The following GINM1 variants were observed in gnomAD, a reference collection of about 807,000 sequenced individuals.
The protein encoded by GINM1 is glycosylated integral membrane protein 1, also known as glycoprotein integral membrane protein 1.
Under a neutral mutation model 37.8 loss-of-function variants are expected in GINM1, and 29 were observed. That is an observed-to-expected ratio of 0.77 (90% CI 0.57 to 1.05). The LOEUF (loss-of-function observed/expected upper bound fraction) is 1.05, where lower values mean the gene tolerates loss of function less well. Among genes scored for constraint, GINM1 ranks in the 50% least tolerant of loss-of-function variants. GINM1 has a pLI of 0.00. For synonymous variants in GINM1, 143 were observed against 146.2 expected (o/e 0.98, Z 0.16); for missense variants, 377 against 397.9 (o/e 0.95, Z 0.45).
chr6:149,578,944 G>C lies in GINM1; in HGVS notation c.400G>C (p.Glu134Gln). 2 of 1,603,714 alleles carry C rather than the reference G, an allele frequency of 1.2e-6. No homozygotes were observed. Among genetic ancestry groups the C allele is most frequent in the South Asian group, 1.1e-5 (1 of 90,266 alleles). ...CAGTTTGCAACTAATTGTCATTCAA[G>C]AAGAGGTAGTAGAGATTGATGGAAA... is the stretch of plus-strand genomic sequence containing the variant. ...GSSLQLIVIQ[E>Q]EVVEIDGKQV... The change falls in exon 4 of 8, where the codon GAA (glutamate) becomes CAA (glutamine). Residue 134 changes from glutamate (E) to glutamine (Q), a missense_variant. Physicochemically the swap from Glu to Gln is conservative, Grantham distance 29. Transcript: ENST00000367419.
At chr6:149,569,529 G>A (rs1777776974) in intron 1 of GINM1, among the ~76,000 whole-genome samples, 1 of 150,814 alleles carries the variant, frequency 6.6e-6, no homozygotes, top group African/African-American at 2.4e-5. Context: ...AGTAGAGACG[G>A]GGTTTCACCA....
chr6:149,580,483 C>T, intron 5 of GINM1, 110 bp from the exon 6 acceptor site: 1 of 943,108 alleles, frequency 1.1e-6, no homozygotes, highest in Non-Finnish European at 1.6e-6. Flanking sequence ...TTTTTTCTCC[C>T]ATGGTAAAAT....
In GINM1 at chr6:149,572,538, A is replaced by G; in HGVS notation, c.212A>G (p.Gln71Arg). The change falls in exon 3 of 8, where the codon CAG becomes CGG. Residue 71 changes from glutamine (Q) to arginine (R), a missense_variant. Coordinates refer to ENST00000367419, the MANE Select transcript of GINM1 (RefSeq NM_138785.5). ...CTTAACATAACCTATGAGAGTGGAC[A>G]GGTGTATGTAAATGACTTACCTGTA... ...VVLNITYESG[Q>R]VYVNDLPVNS... The G allele has an allele frequency of 3.7e-6, 6 of 1,604,074 alleles. No homozygotes were observed. Among genetic ancestry groups the G allele is most frequent in the Non-Finnish European group, 4.3e-6 (5 of 1,172,724 alleles).
At chr6:149,581,873 C>T (rs922091706) in intron 6 of GINM1, among the ~76,000 whole-genome samples, 2 of 152,198 alleles carry the variant, frequency 1.3e-5, no homozygotes, top group Non-Finnish European at 2.9e-5. Flanking sequence ...TTTACCCTGT[C>T]TACCTCACCT....
At chr6:149,582,343 A>G in intron 6 of GINM1, 97 bp from the exon 7 acceptor site, 1 of 1,043,382 alleles carries the variant, frequency 9.6e-7, no homozygotes, top group Non-Finnish European at 1.4e-6. Context: ...AAAATATAGA[A>G]TATTTTTATC....
In GINM1 at chr6:149,578,525, CAA is replaced by C. The variant is rs145601764; in HGVS notation, c.278-276_278-275del. Among the ~76,000 whole-genome samples the C allele has an allele frequency of 6.9e-3, 490 of 71,440 alleles. 2 individuals are homozygous for C. The highest frequency in any genetic ancestry group is 0.022 in the African/African-American group (428 of 19,604). The allele number at this position is 71,440 out of a possible 152,430, so 46.9% of individuals were successfully genotyped here. ...TGGGCGACAGAGCAAGACTCCATCT[CAA>C]AAAAAAAAAAAAAAAAAAAAGAATA... On this transcript the variant is annotated intron_variant, in intron 3 of 7. Coordinates refer to ENST00000367419, the MANE Select transcript of GINM1 (RefSeq NM_138785.5).
chr6:149,572,914 C>T (rs1159543725), intron 3 of GINM1, among the ~76,000 whole-genome samples: 3 of 152,178 alleles, frequency 2.0e-5, no homozygotes, highest in Non-Finnish European at 2.9e-5. Context: ...CATCTACCCT[C>T]CTCTGCCTCT....
At position 149,572,154 on chromosome 6, in the gene GINM1, A is replaced by G. The variant is rs1582732094; in HGVS notation, c.121-131A>G. 4 of 444,640 alleles carry G rather than the reference A, an allele frequency of 9.0e-6. No homozygotes were observed. In the East Asian group the frequency reaches 1.3e-4, roughly 15 times the overall value. The allele number at this position is 444,640 out of a possible 1,614,324, so 27.5% of individuals were successfully genotyped here. A position where few individuals can be genotyped will look rare whatever the true frequency, so the allele number is the denominator to read the frequency against. On this transcript the variant is annotated intron_variant, in intron 1 of 7. Transcript: ENST00000367419. Reference sequence around the variant, plus strand: ...AAATGGCTATAAAATGGAAAAGATGATCTTTTAAACTCTCTTAATGCTGTT... The same window carrying G: ...AAATGGCTATAAAATGGAAAAGATGGTCTTTTAAACTCTCTTAATGCTGTT...
Position 149,566,544 on chromosome 6 carries a change from G to T in GINM1, c.120+10G>T. 1.3e-6 allele frequency: 2 copies of T among 1,500,104 alleles called. No homozygotes were observed. The highest frequency in any genetic ancestry group is 2.5e-5 in the South Asian group (2 of 80,506). The allele number at this position is 1,500,104 out of a possible 1,614,324, so 92.9% of individuals were successfully genotyped here. On this transcript the variant is annotated intron_variant, in intron 1 of 7. Coordinates refer to ENST00000367419, the MANE Select transcript of GINM1 (RefSeq NM_138785.5). The surrounding 1 kb of genome is among the most constrained non-coding windows in gnomAD (Gnocchi z 4.4). ...GTCCGGAGCCCCACAGGTAGGGCAG[G>T]GCGGGCCTGGCTGGCCGCTTTACGA...
chr6:149,581,953 G>C, intron 6 of GINM1: 1 of 458,218 alleles, frequency 2.2e-6, no homozygotes, highest in South Asian at 1.6e-5. Flanking sequence ...CTTAAGTTCT[G>C]CTCTCGCTCT....
At position 149,580,699 on chromosome 6, in the gene GINM1, A is replaced by G. The variant is rs769857432; in HGVS notation, c.693A>G (p.Arg231=). The G allele has an allele frequency of 6.2e-7, 1 of 1,613,896 alleles. No homozygotes were observed. Among genetic ancestry groups the G allele is most frequent in the Non-Finnish European group, 8.5e-7 (1 of 1,179,836 alleles). ...LPGKLPETPL[R]AEPPSSYKVM... is the part of the protein sequence containing the mutation. ...GCAAGTTACCTGAAACTCCTCTCAG[A>G]GCAGAGCCGCCATCTTCATATAAGG... The change falls in exon 6 of 8, where the codon AGA becomes AGG. Residue 231 remains arginine, a synonymous_variant. Transcript: ENST00000367419.
chr6:149,590,961 A>G lies in GINM1; in HGVS notation c.*123A>G, dbSNP rs1257951817. ...ACTAGAGAAATTGCTAAACTCTAAG[A>G]CTGCCTGAAAATTGACCTTTACAGT... is the stretch of plus-strand genomic sequence containing the variant. On this transcript the variant is annotated 3_prime_UTR_variant, in exon 8 of 8. Coordinates refer to ENST00000367419, the MANE Select transcript of GINM1 (RefSeq NM_138785.5). 1 of 594,308 alleles carries G rather than the reference A, an allele frequency of 1.7e-6. No individual in the cohort carries two copies. The highest frequency in any genetic ancestry group is 1.9e-5 in the African/African-American group (1 of 53,598). 36.8% of individuals were successfully genotyped at this position (594,308 alleles called of 1,614,324 possible). A position where few individuals can be genotyped will look rare whatever the true frequency, so the allele number is the denominator to read the frequency against.
At chr6:149,567,981 C>T (rs1161111440) in intron 1 of GINM1, among the ~76,000 whole-genome samples, 1 of 152,212 alleles carries the variant, frequency 6.6e-6, no homozygotes, top group East Asian at 1.9e-4. Flanking sequence ...ATATAATCTG[C>T]GAAAAATACA....
At chr6:149,582,058 A>G (rs1307116644) in intron 6 of GINM1, 2 of 473,624 alleles carry the variant, frequency 4.2e-6, no homozygotes, top group Non-Finnish European at 4.4e-6. Context: ...CTTGTGCTCT[A>G]GGTACTGGAA....
intron 3 of GINM1, 21 bp from the exon 4 acceptor site, chr6:149,578,801 T>C: frequency 6.7e-7 from 1 of 1,501,512 alleles, no homozygotes; most frequent in South Asian, 1.2e-5. Context: ...TTCAAAGGTG[T>C]CACTACTTTT....
At chr6:149,585,936 G>C (rs1213743326) in intron 7 of GINM1, among the ~76,000 whole-genome samples, 1 of 152,146 alleles carries the variant, frequency 6.6e-6, no homozygotes, top group African/African-American at 2.4e-5. Context: ...AATGGGATGT[G>C]AGTGCCTATA....
intron 1 of GINM1, among the ~76,000 whole-genome samples, chr6:149,568,147 G>T (rs562710645): frequency 6.6e-6 from 1 of 152,184 alleles, no homozygotes; most frequent in Non-Finnish European, 1.5e-5. Context: ...AGTGGCTCAC[G>T]CCTGTAATCC....
At position 149,579,948 on chromosome 6, in the gene GINM1, G is replaced by C. The variant is rs752928540; in HGVS notation, c.544G>C (p.Asp182His). Residue 182 changes from aspartate to histidine, a missense_variant, in exon 5 of 8, where the codon GAC becomes CAC. Coordinates refer to ENST00000367419, the MANE Select transcript of GINM1 (RefSeq NM_138785.5). ...EESMLYSISR[D>H]SDILFTLPNL... ...AAGCATGCTCTACTCTATTTCTCGA[G>C]ACAGTGACATTTTATTTACCCTTCC... The C allele has an allele frequency of 1.2e-6, 2 of 1,609,902 alleles. No individual in the cohort carries two copies. The highest frequency in any genetic ancestry group is 1.3e-5 in the African/African-American group (1 of 74,744).
At chr6:149,580,779 G>T in intron 6 of GINM1, 56 bp downstream of exon 6, 1 of 1,497,848 alleles carries the variant, frequency 6.7e-7, no homozygotes, top group South Asian at 1.1e-5. Flanking sequence ...GAAGAAAATC[G>T]ACCCTAGCAT....
Sources: gnomAD v4.1 joint callset for allele counts (sites outside exome capture counted in the v4.1 genomes callset) on GRCh38, gnomAD v4.1.1 for gene constraint, Gnocchi (gnomAD v3.1) non-coding constraint, MANE v1.5 for transcripts, NCBI Gene and HGNC (gene_info 2026-07-23, HGNC 2026-07-21) for gene names.